The following PCDH11Y variants were observed in gnomAD, a reference collection of about 807,000 sequenced individuals.
PCDH11Y encodes protocadherin 11 Y-linked.
For missense variants in PCDH11Y, 12 were observed against 224.8 expected (o/e 0.05, Z 6.05); for synonymous variants, 9 against 83.6 (o/e 0.11, Z 4.87).
intron 1 of PCDH11Y, among the ~76,000 whole-genome samples, chrY:5,079,299 G>T (rs2052715271): frequency 3.0e-5 from 1 of 33,020 alleles, no homozygotes; most frequent in African/African-American, 1.2e-4. Context: ...CCATTCTGGG[G>T]TCTAGACGAC....
intron 4 of PCDH11Y, among the ~76,000 whole-genome samples, chrY:5,647,735 G>A (rs2053528446): frequency 3.1e-5 from 1 of 32,725 alleles, no homozygotes; most frequent in Non-Finnish European, 7.5e-5. Context: ...TCGAACTCCC[G>A]ACCTCAGGTG....
intron 4 of PCDH11Y, among the ~76,000 whole-genome samples, chrY:5,664,855 G>T (rs2053543798): frequency 3.1e-5 from 1 of 32,456 alleles, no homozygotes; most frequent in African/African-American, 1.2e-4. Flanking sequence ...TCCCCCTTCA[G>T]CCTATCAAAG....
chrY:5,050,275 A>G (rs2052649474), intron 3 of PCDH11Y, among the ~76,000 whole-genome samples: 1 of 33,538 alleles, frequency 3.0e-5, no homozygotes, highest in Non-Finnish European at 7.4e-5. Flanking sequence ...GTTCCTTGGA[A>G]CAATAAGTTG....
chrY:5,152,598 A>C, intron 2 of PCDH11Y, among the ~76,000 whole-genome samples: 1 of 33,008 alleles, frequency 3.0e-5, no homozygotes, highest in African/African-American at 1.2e-4. Flanking sequence ...GTTTTTTATG[A>C]ATTATAAAAT....
intron 2 of PCDH11Y, among the ~76,000 whole-genome samples, chrY:5,267,396 C>T (rs4030644): frequency 3.4e-5 from 1 of 29,152 alleles, no homozygotes; most frequent in Non-Finnish European, 8.0e-5. Flanking sequence ...TTAGTAAAGA[C>T]GGGGTTTTGC....
intron 1 of PCDH11Y, among the ~76,000 whole-genome samples, chrY:5,017,558 T>C: frequency 3.0e-5 from 1 of 33,049 alleles, no homozygotes; most frequent in Non-Finnish European, 7.5e-5. Context: ...TTTTCTTATC[T>C]CTTCTAGATA....
At chrY:5,325,391 G>C in intron 2 of PCDH11Y, among the ~76,000 whole-genome samples, 3 of 32,906 alleles carry the variant, frequency 9.1e-5, no homozygotes, top group Admixed American at 8.4e-4. Context: ...GAGTGGGAAA[G>C]ATTAAGCTGA....
intron 2 of PCDH11Y, among the ~76,000 whole-genome samples, chrY:5,332,051 G>T: frequency 6.0e-5 from 2 of 33,374 alleles, no homozygotes; most frequent in Admixed American, 2.7e-4. Context: ...GAGGTCGGGA[G>T]TTCTAGACCA....
At chrY:5,686,716 C>A (rs2053563355) in intron 4 of PCDH11Y, among the ~76,000 whole-genome samples, 2 of 32,674 alleles carry the variant, frequency 6.1e-5, no homozygotes, top group Admixed American at 2.8e-4. Flanking sequence ...GGGCTGAGAT[C>A]ATGGGGTTTT....
In PCDH11Y at chrY:5,046,285, T is replaced by C. The variant is rs200312507; in HGVS notation, c.33-10604T>C. ...TTGATGATGGTGATGTACAGATGGG[T>C]TTTTGGTGTGGATGTCCTTTCTGTT... On this transcript the variant is annotated intron_variant, in intron 3 of 5. Transcript: ENST00000333703. Among the ~76,000 whole-genome samples the C allele has an allele frequency of 3.3e-4, 11 of 33,294 alleles. No individual in the cohort carries two copies. The East Asian group carries it at 8.9e-3, about 27-fold the overall frequency. The allele number at this position is 33,294 out of a possible 37,273, so 89.3% of individuals were successfully genotyped here.
chrY:5,613,115 C>T (rs2053489544), intron 4 of PCDH11Y, among the ~76,000 whole-genome samples: 1 of 31,912 alleles, frequency 3.1e-5, no homozygotes, highest in African/African-American at 1.3e-4. Flanking sequence ...ATCCAACCAC[C>T]TCGGCCTCCC....
chrY:5,234,863 G>C, intron 2 of PCDH11Y, among the ~76,000 whole-genome samples: 1 of 30,612 alleles, frequency 3.3e-5, no homozygotes, highest in Non-Finnish European at 7.9e-5. Context: ...AATGTAAATG[G>C]ACCTTCATAT....
At chrY:5,590,084 C>CA (rs768666054) in intron 4 of PCDH11Y, among the ~76,000 whole-genome samples, 197 of 24,643 alleles carry the variant, frequency 8.0e-3, no homozygotes, top group Non-Finnish European at 0.017. Context: ...TACTTTCTTC[C>CA]AAAAAAAAAA....
chrY:5,436,987 C>T, intron 2 of PCDH11Y, among the ~76,000 whole-genome samples: 1 of 32,312 alleles, frequency 3.1e-5, no homozygotes, highest in South Asian at 7.0e-4. Flanking sequence ...AATGCTTTAG[C>T]TCTTTTTAAG....
intron 1 of PCDH11Y, among the ~76,000 whole-genome samples, chrY:5,021,174 T>A: frequency 3.0e-5 from 1 of 33,027 alleles, no homozygotes; most frequent in African/African-American, 1.2e-4. Flanking sequence ...GTAGGGAGAT[T>A]GAACTGATAG....
chrY:5,046,797 T>C (rs1602849289), intron 3 of PCDH11Y, among the ~76,000 whole-genome samples: 2 of 33,443 alleles, frequency 6.0e-5, no homozygotes, highest in African/African-American at 2.3e-4. Flanking sequence ...GAGCCAGGTG[T>C]GGGATATAAT....
At chrY:5,408,704 T>C in intron 2 of PCDH11Y, among the ~76,000 whole-genome samples, 1 of 33,623 alleles carries the variant, frequency 3.0e-5, no homozygotes, top group South Asian at 6.7e-4. Context: ...GCCTCCCAAA[T>C]TGCTGGGATT....
At chrY:5,732,654 A>C in intron 4 of PCDH11Y, among the ~76,000 whole-genome samples, 1 of 31,776 alleles carries the variant, frequency 3.1e-5, no homozygotes, top group Non-Finnish European at 7.6e-5. Context: ...TATATCTCTC[A>C]GATGTTCTCT....
At chrY:5,389,621 G>A in intron 2 of PCDH11Y, among the ~76,000 whole-genome samples, 2 of 32,006 alleles carry the variant, frequency 6.2e-5, no homozygotes, top group Admixed American at 3.0e-4. Flanking sequence ...GGAGGAACAC[G>A]GCGGGAGGTG....
Sources: gnomAD v4.1 joint callset for allele counts (sites outside exome capture counted in the v4.1 genomes callset) on GRCh38, gnomAD v4.1.1 for gene constraint, MANE v1.5 for transcripts, NCBI Gene and HGNC (gene_info 2026-07-23, HGNC 2026-07-21) for gene names.